PRKDC: variants seen among roughly 807,000 people sequenced by gnomAD.
PRKDC encodes DNA-dependent protein kinase catalytic subunit.
Under a neutral mutation model 486.9 loss-of-function variants are expected in PRKDC, and 82 were observed. The observed-to-expected ratio is 0.17, with a 90% CI of 0.14 to 0.20. The LOEUF (loss-of-function observed/expected upper bound fraction) is 0.20. Ranked by LOEUF, PRKDC falls within the 10% of genes least tolerant of loss-of-function variation. The pLI, the probability that PRKDC is intolerant of heterozygous loss-of-function variation, is 1.00. For missense variants in PRKDC, 4,504 were observed against 5,038.2 expected, an observed-to-expected ratio of 0.89 and a Z score of 3.21; for synonymous variants, 1,895 against 1,837.0, an observed-to-expected ratio of 1.03 and a Z score of -0.81.
intron 40 of PRKDC, among the ~76,000 whole-genome samples, chr8:47,876,338 T>C (rs1023193288): frequency 1.3e-4 from 19 of 151,860 alleles, no homozygotes; most frequent in Non-Finnish European, 2.1e-4. Context: ...CTATGAGGAG[T>C]AGCCATGGCA....
chr8:47,860,699 AG>A (rs1414587628), intron 45 of PRKDC, among the ~76,000 whole-genome samples, 199 bp downstream of exon 45: 2 of 152,252 alleles, frequency 1.3e-5, no homozygotes, highest in Non-Finnish European at 2.9e-5. Context: ...AGCTAAGTTT[AG>A]CTAAGTACAT....
intron 80 of PRKDC, chr8:47,779,399 A>AT (rs2086661833): frequency 4.4e-6 from 1 of 228,362 alleles, no homozygotes; most frequent in African/African-American, 2.3e-5. Flanking sequence ...TGAACTAAAC[A>AT]TAACTGTTTA....
At chr8:47,819,068 C>T (rs1441327588) in intron 67 of PRKDC, among the ~76,000 whole-genome samples, 2 of 152,208 alleles carry the variant, frequency 1.3e-5, no homozygotes, top group East Asian at 1.9e-4. Context: ...CTGCTCAGGA[C>T]CCTCCTCCAG....
intron 73 of PRKDC, among the ~76,000 whole-genome samples, chr8:47,796,485 C>T (rs1436162561): frequency 6.6e-6 from 1 of 152,136 alleles, no homozygotes; most frequent in African/African-American, 2.4e-5. Context: ...ATCACGCATG[C>T]ATTTCCTCCC....
chr8:47,924,302 T>C (rs2154503280), intron 21 of PRKDC, among the ~76,000 whole-genome samples: 1 of 152,314 alleles, frequency 6.6e-6, no homozygotes, highest in Non-Finnish European at 1.5e-5. Flanking sequence ...CTCATGCCTG[T>C]AACCCCAGCA....
intron 7 of PRKDC, among the ~76,000 whole-genome samples, chr8:47,948,349 C>G (rs2090571516): frequency 6.6e-6 from 1 of 151,640 alleles, no homozygotes; most frequent in Admixed American, 6.6e-5. Context: ...ACCTTGTGAT[C>G]TGCCCACCTC....
rs572754307 is a variant in PRKDC, at chr8:47,844,271, AAACC to A, written c.7281-4086_7281-4083del. ...TTCTTTTATCAGATAAAATAACTTT[AAACC>A]AACAATAGTTAAAAAGGACAAAAAA... is the stretch of plus-strand genomic sequence containing the variant. On this transcript the variant is annotated intron_variant, in intron 54 of 85. Coordinates refer to ENST00000314191, the MANE Select transcript of PRKDC (RefSeq NM_006904.7). Among the ~76,000 whole-genome samples, 4 of 152,370 alleles carry A rather than the reference AAACC, an allele frequency of 2.6e-5. No individual in the cohort carries two copies. In the East Asian group the frequency reaches 7.7e-4, roughly 29 times the overall value.
intron 1 of PRKDC, chr8:47,959,181 C>A (rs1362062160): frequency 6.6e-6 from 1 of 152,184 alleles, no homozygotes; most frequent in Non-Finnish European, 1.5e-5. Flanking sequence ...AGGAGATCCA[C>A]ATAATTAAGT....
chr8:47,852,677 T>C lies in PRKDC; in HGVS notation c.7001A>G (p.Lys2334Arg). The part of the protein sequence containing the change: ...GLILRYVMER[K>R]NILEESLCEL... ...AAAATTGTGTAGCACACTCACGTTT[T>C]TTCTCTCCATAACATATCGAAGTAT... Residue 2334 changes from lysine (K) to arginine (R), a missense_variant, in exon 52 of 86, where the codon AAA (lysine) becomes AGA (arginine). By Grantham distance (26) the Lys-to-Arg change is conservative. This residue lies in a region of PRKDC where 1,592 missense variants were observed against 1,724.6 expected (regional missense o/e 0.92). Transcript: ENST00000314191. The C allele has an allele frequency of 2.6e-6, 4 of 1,555,894 alleles. No homozygotes were observed. The highest frequency in any genetic ancestry group is 3.5e-6 in the Non-Finnish European group (4 of 1,147,778).
intron 36 of PRKDC, among the ~76,000 whole-genome samples, chr8:47,884,973 G>C (rs2089296275): frequency 6.6e-6 from 1 of 152,212 alleles, no homozygotes; most frequent in African/African-American, 2.4e-5. Context: ...GCCTGCAGCT[G>C]GTATGAATGC....
At chr8:47,885,182 G>C (rs116762521) in intron 36 of PRKDC, among the ~76,000 whole-genome samples, 1 of 152,082 alleles carries the variant, frequency 6.6e-6, no homozygotes, top group Non-Finnish European at 1.5e-5. Flanking sequence ...ACAGAGTCTC[G>C]CTTCATTACT....
At chr8:47,870,470 A>G (rs1413560610) in intron 40 of PRKDC, among the ~76,000 whole-genome samples, 3 of 152,232 alleles carry the variant, frequency 2.0e-5, no homozygotes, top group Non-Finnish European at 4.4e-5. Flanking sequence ...TGTAAGAACC[A>G]CAGTGCTACT....
intron 25 of PRKDC, among the ~76,000 whole-genome samples, chr8:47,909,443 T>C (rs1349462476): frequency 6.6e-6 from 1 of 152,194 alleles, no homozygotes; most frequent in Non-Finnish European, 1.5e-5. Flanking sequence ...AGAATGTACA[T>C]CACCTCAGGA....
Position 47,869,563 on chromosome 8 carries a change from C to T in PRKDC, c.5364-4800G>A, listed in dbSNP as rs568140525. Among the ~76,000 whole-genome samples, 11 of 151,970 alleles carry T rather than the reference C, an allele frequency of 7.2e-5. 1 individual carries two copies. The highest frequency in any genetic ancestry group is 3.9e-4 in the Admixed American group (6 of 15,274). On this transcript the variant is annotated intron_variant, in intron 40 of 85. Transcript: ENST00000314191. ...GGGCCTTGGTTAAGACCCAGGGCCA[C>T]GCTGGCTTCGAGTGTGACCCAGCAC...
At chr8:47,816,345 A>G (rs1472359245) in intron 68 of PRKDC, among the ~76,000 whole-genome samples, 2 of 152,224 alleles carry the variant, frequency 1.3e-5, no homozygotes, top group Non-Finnish European at 1.5e-5. Context: ...ACCCAAACAG[A>G]GGAACATTCC....
chr8:47,891,870 G>GT (rs2089466959), intron 31 of PRKDC, among the ~76,000 whole-genome samples: 5 of 152,016 alleles, frequency 3.3e-5, no homozygotes, highest in Non-Finnish European at 7.4e-5. Context: ...ATGTGAACAA[G>GT]TTTTTTTTGT....
In PRKDC at chr8:47,940,518, G is replaced by A. The variant is rs377763470; in HGVS notation, c.967-821C>T. On this transcript the variant is annotated intron_variant, in intron 10 of 85. Coordinates refer to ENST00000314191, the MANE Select transcript of PRKDC (RefSeq NM_006904.7). ...CACTAGGTCTTAGCGCCTGACCTTCGGGGAACTTTGCTCCTTATTTGTTTT... is the reference window on the plus strand; with the variant it reads ...CACTAGGTCTTAGCGCCTGACCTTCAGGGAACTTTGCTCCTTATTTGTTTT... Among the ~76,000 whole-genome samples the A allele has an allele frequency of 6.6e-5, 10 of 152,106 alleles. 1 individual carries two copies. The highest frequency in any genetic ancestry group is 1.7e-4 in the African/African-American group (7 of 41,396).
In PRKDC at chr8:47,785,224, G is replaced by T. The variant is rs1315974549; in HGVS notation, c.10996C>A (p.Leu3666Ile). 6.2e-7 allele frequency: 1 copy of T among 1,613,908 alleles called. No homozygotes were observed. Among genetic ancestry groups the T allele is most frequent in the Non-Finnish European group, 8.5e-7 (1 of 1,179,832 alleles). ...GAGTCTTTGTTCATTTTTAAAAGTAGCATGTTGGTAATGTCGTTGAAGTCA... is the reference window on the plus strand; with the variant it reads ...GAGTCTTTGTTCATTTTTAAAAGTATCATGTTGGTAATGTCGTTGAAGTCA... ...LSDFNDITNM[L>I]LLKMNKDSKP... is the part of the protein sequence containing the mutation. The change falls in exon 77 of 86, where the codon CTA becomes ATA. Residue 3666 changes from leucine to isoleucine, a missense_variant. Leu to Ile is a conservative substitution (Grantham distance 5). This residue lies in a region of PRKDC where 706 missense variants were observed against 945.0 expected (regional missense o/e 0.75). Transcript: ENST00000314191.
chr8:47,820,998 A>G, intron 65 of PRKDC, 55 bp from the exon 66 acceptor site: 1 of 1,125,476 alleles, frequency 8.9e-7, no homozygotes, highest in Non-Finnish European at 1.2e-6. Flanking sequence ...GAGTATGTCT[A>G]ATTATTTTAT....
Sources: gnomAD v4.1 joint callset for allele counts (sites outside exome capture counted in the v4.1 genomes callset) on GRCh38, gnomAD v4.1.1 for gene constraint, gnomAD v4.1.1 regional missense constraint, MANE v1.5 for transcripts, NCBI Gene and HGNC (gene_info 2026-07-23, HGNC 2026-07-21) for gene names.